Variants in NCALD observed in about 807,000 individuals in gnomAD.
The protein encoded by NCALD is neurocalcin delta.
In NCALD, 10 loss-of-function variants were observed where a neutral mutation model predicts 18.6. The observed-to-expected ratio is 0.54, with a 90% confidence interval of 0.33 to 0.91. The LOEUF is 0.91. NCALD is among the 40% of genes least tolerant of loss of function. The pLI, the probability that NCALD is intolerant of heterozygous loss-of-function variation, is 0.03. For missense variants in NCALD, 184 were observed against 247.6 expected (o/e 0.74, Z 1.72); for synonymous variants, 88 against 87.4 (o/e 1.01, Z -0.04).
At chr8:102,046,173 C>T (rs1823231999) in intron 1 of NCALD, among the ~76,000 whole-genome samples, 4 of 152,200 alleles carry the variant, frequency 2.6e-5, no homozygotes, top group Admixed American at 2.6e-4. Flanking sequence ...TCCGCTTCAC[C>T]AGTTGAGAAC....
chr8:101,795,950 A>G (rs1812624298), upstream of NCALD, among the ~76,000 whole-genome samples: 1 of 152,222 alleles, frequency 6.6e-6, no homozygotes, highest in African/African-American at 2.4e-5. Flanking sequence ...GAGGACAAGA[A>G]GTGAAGCACA....
In NCALD at chr8:101,969,477, C is replaced by T. The variant is rs188814161; in HGVS notation, c.-157+50760G>A. On this transcript the variant is annotated intron_variant, in intron 2 of 6. Transcript: ENST00000311028. ...TTTCAAAGCCCTTCAACATTTATTT[C>T]ATTTGACTAGAAGAAACTCTAAAAA... 2.8e-3 allele frequency among the ~76,000 whole-genome samples: 425 copies of T among 152,318 alleles called. 5 individuals are homozygous for T. Among genetic ancestry groups the T allele is most frequent in the African/African-American group, 9.7e-3 (404 of 41,572 alleles).
chr8:101,944,995 C>A (rs995318519), intron 2 of NCALD, among the ~76,000 whole-genome samples: 3 of 152,210 alleles, frequency 2.0e-5, no homozygotes, highest in African/African-American at 7.2e-5. Flanking sequence ...AAAGAGAGAG[C>A]AACTGACATA....
At chr8:101,954,565 T>C (rs1029558733) in intron 2 of NCALD, among the ~76,000 whole-genome samples, 3 of 152,312 alleles carry the variant, frequency 2.0e-5, no homozygotes, top group Admixed American at 6.5e-5. Flanking sequence ...GACTGCATTG[T>C]TCTGCAATAA....
chr8:101,847,977 T>C (rs569161545), intron 4 of NCALD, among the ~76,000 whole-genome samples: 1 of 152,120 alleles, frequency 6.6e-6, no homozygotes, highest in South Asian at 2.1e-4. Flanking sequence ...GTAGTAGGGA[T>C]GGGGAATGGT....
chr8:101,691,029 C>G, intron 3 of NCALD: 7 of 985,346 alleles, frequency 7.1e-6, no homozygotes, highest in Non-Finnish European at 8.4e-6. Flanking sequence ...AAATCGGAGG[C>G]CAGAAGTTAG....
intron 2 of NCALD, among the ~76,000 whole-genome samples, chr8:101,717,889 T>C (rs1170835589): frequency 6.6e-6 from 1 of 152,208 alleles, no homozygotes; most frequent in Non-Finnish European, 1.5e-5. Flanking sequence ...GCAGAATACA[T>C]GAATTGTCAG....
At chr8:102,030,676 G>C (rs1822635550) in intron 1 of NCALD, among the ~76,000 whole-genome samples, 1 of 152,144 alleles carries the variant, frequency 6.6e-6, no homozygotes. Context: ...AGGAATTCAA[G>C]ACAAGCCTGG....
intron 4 of NCALD, among the ~76,000 whole-genome samples, chr8:101,821,186 T>C (rs1449036350): frequency 6.6e-6 from 1 of 152,224 alleles, no homozygotes; most frequent in African/African-American, 2.4e-5. Flanking sequence ...CATTTATATA[T>C]AGATGGTCTC....
At chr8:101,843,142 G>C (rs952020360) in intron 4 of NCALD, among the ~76,000 whole-genome samples, 3 of 152,092 alleles carry the variant, frequency 2.0e-5, no homozygotes, top group African/African-American at 7.2e-5. Flanking sequence ...AGTTATATGT[G>C]CACAATAAAC....
rs780657819 is a variant in NCALD, at chr8:101,719,375, G to A, written c.255C>T (p.Phe85=). Residue 85 remains phenylalanine, a synonymous_variant, in exon 2 of 4, where the codon TTC becomes TTT. Coordinates refer to ENST00000220931, the MANE Select transcript of NCALD (RefSeq NM_032041.3). ...TCGAAGTTACACTCAAGGCGATGAT[G>A]AATTCTCTAAAGTCTATTGTCCCAT... ...NGDGTIDFRE[F]IIALSVTSRG... The A allele has an allele frequency of 3.1e-6, 5 of 1,614,222 alleles. No homozygotes were observed. Among genetic ancestry groups the A allele is most frequent in the Non-Finnish European group, 4.2e-6 (5 of 1,180,036 alleles).
intron 1 of NCALD, among the ~76,000 whole-genome samples, chr8:101,725,136 T>C (rs1410051409): frequency 6.6e-6 from 1 of 152,142 alleles, no homozygotes; most frequent in Non-Finnish European, 1.5e-5. Context: ...CTGGAAACCA[T>C]GACCCTAAAT....
intron 4 of NCALD, among the ~76,000 whole-genome samples, chr8:101,879,366 C>G (rs1816376683): frequency 6.6e-6 from 1 of 152,130 alleles, no homozygotes; most frequent in Non-Finnish European, 1.5e-5. Flanking sequence ...TGCAGACCTT[C>G]GCGGGGAGTA....
intron 3 of NCALD, among the ~76,000 whole-genome samples, chr8:101,903,235 T>C (rs1817499318): frequency 6.7e-6 from 1 of 149,884 alleles, no homozygotes; most frequent in African/African-American, 2.5e-5. Context: ...TCTCACTCTA[T>C]CACCAGGCTG....
intron 2 of NCALD, among the ~76,000 whole-genome samples, chr8:101,935,879 G>A (rs1468837360): frequency 6.6e-6 from 1 of 151,472 alleles, no homozygotes; most frequent in Non-Finnish European, 1.5e-5. Context: ...ATGAAGCAGT[G>A]GTGATTGGCA....
chr8:101,849,200 C>T (rs1814995655), intron 4 of NCALD, among the ~76,000 whole-genome samples: 1 of 151,884 alleles, frequency 6.6e-6, no homozygotes, highest in African/African-American at 2.4e-5. Flanking sequence ...CACACTGGGG[C>T]CTGTGAGGGA....
intron 1 of NCALD, among the ~76,000 whole-genome samples, chr8:102,034,015 TACACACACACACAC>T (rs34381236): frequency 6.8e-5 from 10 of 147,994 alleles, no homozygotes; most frequent in East Asian, 2.0e-4. Flanking sequence ...TCCCTCTAAA[TACACACACACACAC>T]ACACACACAC....
intron 1 of NCALD, among the ~76,000 whole-genome samples, chr8:102,113,855 G>C (rs1587111411): frequency 6.6e-6 from 1 of 152,208 alleles, no homozygotes; most frequent in East Asian, 1.9e-4. Flanking sequence ...AACAATTTCA[G>C]AACAATCTAC....
At chr8:101,794,536 T>C (rs141304025), upstream of NCALD, among the ~76,000 whole-genome samples, 664 of 152,318 alleles carry the variant, frequency 4.4e-3, 6 homozygotes, top group African/African-American at 0.013. Context: ...TAAATAAATA[T>C]TTGTTATGAG....
Sources: gnomAD v4.1 joint callset for allele counts (sites outside exome capture counted in the v4.1 genomes callset) on GRCh38, gnomAD v4.1.1 for gene constraint, MANE v1.5 for transcripts, NCBI Gene and HGNC (gene_info 2026-07-23, HGNC 2026-07-21) for gene names.